Variants in SEC31A observed in about 807,000 individuals in gnomAD.
SEC31A encodes the protein protein transport protein Sec31A.
In SEC31A, 70 loss-of-function variants were observed where a neutral mutation model predicts 151.0. The observed-to-expected ratio is 0.46, with a 90% confidence interval of 0.38 to 0.57. The LOEUF is 0.57. Ranked by LOEUF, SEC31A falls within the 20% of genes least tolerant of loss-of-function variation. SEC31A has a pLI of 0.00. For missense variants in SEC31A, 1,330 were observed against 1,471.2 expected, an observed-to-expected ratio of 0.90 and a Z score of 1.57; for synonymous variants, 475 against 505.9, an observed-to-expected ratio of 0.94 and a Z score of 0.82.
intron 23 of SEC31A, 28 bp downstream of exon 23, chr4:82,828,972 C>T: frequency 6.3e-7 from 1 of 1,592,312 alleles, no homozygotes; most frequent in Non-Finnish European, 8.6e-7. Flanking sequence ...CATCTGTAGG[C>T]CATTGGATGG....
At chr4:82,822,607 C>T (rs1560577666) in intron 25 of SEC31A, among the ~76,000 whole-genome samples, 1 of 152,144 alleles carries the variant, frequency 6.6e-6, no homozygotes, top group Admixed American at 6.6e-5. Flanking sequence ...TAAGATACAT[C>T]CATGCTATAA....
intron 22 of SEC31A, among the ~76,000 whole-genome samples, chr4:82,837,793 T>TC (rs1727780754): frequency 6.6e-6 from 1 of 152,186 alleles, no homozygotes; most frequent in African/African-American, 2.4e-5. Flanking sequence ...TTGCACAGCA[T>TC]CCTTACCCAA....
chr4:82,866,996 T>C (rs1268735871), intron 9 of SEC31A, 36 bp from the exon 10 acceptor site: 3 of 1,588,394 alleles, frequency 1.9e-6, no homozygotes, highest in Non-Finnish European at 1.7e-6. Context: ...CATCCGACCA[T>C]ACACAAAGTT....
intron 4 of SEC31A, chr4:82,877,404 G>C (rs1442774666): frequency 6.7e-6 from 1 of 150,120 alleles, no homozygotes; most frequent in Non-Finnish European, 1.5e-5. Flanking sequence ...TTCCAGACAG[G>C]GTCTCTATGT....
chr4:82,863,946 T>C (rs1734725380), intron 11 of SEC31A, among the ~76,000 whole-genome samples: 1 of 152,130 alleles, frequency 6.6e-6, no homozygotes, highest in South Asian at 2.1e-4. Flanking sequence ...TAACTCCTCT[T>C]AAAGTAAAAG....
At chr4:82,875,038 T>G (rs1737598374) in intron 5 of SEC31A, among the ~76,000 whole-genome samples, 1 of 152,244 alleles carries the variant, frequency 6.6e-6, no homozygotes, top group Non-Finnish European at 1.5e-5. Flanking sequence ...TTTCTTTACT[T>G]TGCAACTGCT....
At chr4:82,850,146 G>C (rs931907877) in intron 19 of SEC31A, among the ~76,000 whole-genome samples, 1 of 150,808 alleles carries the variant, frequency 6.6e-6, no homozygotes, top group Non-Finnish European at 1.5e-5. Flanking sequence ...ATAATGTATA[G>C]AAAATGGATG....
Position 82,866,949 on chromosome 4 carries a change from A to G in SEC31A, c.1056T>C (p.Ser352=), listed in dbSNP as rs138939745. The part of the protein sequence containing the change: ...RQKQVDKLSS[S]FGNLDPFGTG... ...TGCCAAAGGGATCAAGATTCCCAAAAGATGATGAAAGCTAAAAAAGATAAT... is the reference window on the plus strand; with the variant it reads ...TGCCAAAGGGATCAAGATTCCCAAAGGATGATGAAAGCTAAAAAAGATAAT... Residue 352 remains serine (S), a synonymous_variant, in exon 10 of 27, where the codon TCT becomes TCC. Transcript: ENST00000395310. 2 of 1,607,632 alleles carry G rather than the reference A, an allele frequency of 1.2e-6. No individual in the cohort carries two copies. Among genetic ancestry groups the G allele is most frequent in the African/African-American group, 2.7e-5 (2 of 74,548 alleles).
intron 20 of SEC31A, 66 bp from the exon 21 acceptor site, chr4:82,844,575 T>A (rs1457721213): frequency 1.4e-6 from 2 of 1,476,514 alleles, no homozygotes; most frequent in East Asian, 4.6e-5. Context: ...CAGATGGAAT[T>A]ACAATCTCTG....
rs1472212749 is a variant in SEC31A at position 82,856,970 on chromosome 4, G to A, written c.1863C>T (p.Ser621=). The A allele has an allele frequency of 2.5e-6, 4 of 1,605,636 alleles. No homozygotes were observed. Among genetic ancestry groups the A allele is most frequent in the African/African-American group, 2.7e-5 (2 of 74,402 alleles). ...ARTQKKYFAK[S]QSKITRLITA... ...AACATACCCTGGTAATTTTGCTTTG[G>A]GATTTTGCGAAGTATTTTTTCTGGG... Residue 621 remains serine, a synonymous_variant, in exon 16 of 27, where the codon TCC becomes TCT. Transcript: ENST00000395310.
intron 8 of SEC31A, 68 bp from the exon 9 acceptor site, chr4:82,867,384 G>A: frequency 7.6e-7 from 1 of 1,319,744 alleles, no homozygotes; most frequent in Non-Finnish European, 1.1e-6. Flanking sequence ...CAAAACACCT[G>A]AATTAATGTG....
At chr4:82,827,781 G>A (rs1724944370) in intron 23 of SEC31A, 149 bp from the exon 24 acceptor site, 5 of 749,222 alleles carry the variant, frequency 6.7e-6, no homozygotes, top group Non-Finnish European at 1.1e-5. Flanking sequence ...GAAATTTTAT[G>A]CAGAATAAAG....
intron 4 of SEC31A, among the ~76,000 whole-genome samples, chr4:82,876,761 T>C (rs1738051169): frequency 6.6e-6 from 1 of 152,244 alleles, no homozygotes; most frequent in Non-Finnish European, 1.5e-5. Context: ...ATGGGCTTCA[T>C]ATACTGACCT....
chr4:82,881,448 G>C (rs923222507), intron 2 of SEC31A, among the ~76,000 whole-genome samples: 2 of 151,280 alleles, frequency 1.3e-5, no homozygotes, highest in African/African-American at 4.9e-5. Flanking sequence ...CTGGGCGAAA[G>C]AGCAAGACTC....
chr4:82,860,219 A>G (rs746814458), intron 14 of SEC31A, among the ~76,000 whole-genome samples: 6 of 152,184 alleles, frequency 3.9e-5, no homozygotes, highest in Non-Finnish European at 4.4e-5. Flanking sequence ...GAGTGCCTTC[A>G]ATGTGTAAGC....
chr4:82,895,941 C>T (rs1720044467), upstream of SEC31A, among the ~76,000 whole-genome samples: 1 of 152,164 alleles, frequency 6.6e-6, no homozygotes, highest in African/African-American at 2.4e-5. Context: ...ATTTCTTGAA[C>T]TTCAGCTCTA....
chr4:82,875,644 A>C (rs1737748331), intron 5 of SEC31A, 83 bp downstream of exon 5: 1 of 716,986 alleles, frequency 1.4e-6, no homozygotes, highest in Admixed American at 2.8e-5. Context: ...TTGTGTGAGA[A>C]GCCTTAAAAG....
intron 22 of SEC31A, among the ~76,000 whole-genome samples, chr4:82,834,654 C>T (rs968434086): frequency 2.0e-5 from 3 of 152,092 alleles, no homozygotes; most frequent in African/African-American, 4.8e-5. Flanking sequence ...AAAACATATG[C>T]CTAACTCCTC....
At chr4:82,872,178 G>C (rs1736836791) in intron 6 of SEC31A, 92 bp from the exon 7 acceptor site, 1 of 942,818 alleles carries the variant, frequency 1.1e-6, no homozygotes, top group African/African-American at 1.7e-5. Context: ...GAAACAAATA[G>C]TGAAAAACAT....
Sources: gnomAD v4.1 joint callset for allele counts (sites outside exome capture counted in the v4.1 genomes callset) on GRCh38, gnomAD v4.1.1 for gene constraint, MANE v1.5 for transcripts, NCBI Gene and HGNC (gene_info 2026-07-23, HGNC 2026-07-21) for gene names.